The following BICD1 variants were observed in gnomAD, a reference collection of about 807,000 sequenced individuals.
BICD1 encodes the protein protein bicaudal D homolog 1.
A neutral mutation model predicts 92.5 loss-of-function variants in BICD1; 35 were observed. The ratio of observed to expected loss-of-function variants is 0.38; its 90% confidence interval spans 0.29 to 0.50. BICD1 has a LOEUF of 0.50. BICD1 is among the 20% of genes least tolerant of loss of function. The probability of loss-of-function intolerance (pLI) is 0.93; values close to 1 mark genes in which losing one functional copy is unlikely to be tolerated. For synonymous variants in BICD1, 429 were observed against 465.1 expected (o/e 0.92, Z 1.00); for missense variants, 950 against 1,189.8 (o/e 0.80, Z 2.97).
In BICD1 at chr12:32,320,636, G is replaced by A. The variant is rs148704737; in HGVS notation, c.1006-6825G>A. Reference sequence around the variant, plus strand: ...AGTCTGGGCGACAGAGTGAGACTCCGTCTCAAAATAAGTAAATAAATAAAA... The same window carrying A: ...AGTCTGGGCGACAGAGTGAGACTCCATCTCAAAATAAGTAAATAAATAAAA... On this transcript the variant is annotated intron_variant, in intron 4 of 9. Transcript: ENST00000652176. Among the ~76,000 whole-genome samples the A allele has an allele frequency of 7.2e-5, 11 of 152,014 alleles. 1 individual carries two copies. In the South Asian group the frequency reaches 1.5e-3, roughly 20 times the overall value.
chr12:32,325,639 A>G (rs961267369), intron 4 of BICD1, among the ~76,000 whole-genome samples: 1 of 152,244 alleles, frequency 6.6e-6, no homozygotes, highest in African/African-American at 2.4e-5. Context: ...ACACATGTGT[A>G]TCCTAAAGTA....
Position 32,346,953 on chromosome 12 carries a change from CT to C in BICD1, c.2764+7989del, listed in dbSNP as rs546760175. On this transcript the variant is annotated intron_variant, in intron 8 of 9. Coordinates refer to ENST00000652176, the MANE Select transcript of BICD1 (RefSeq NM_001714.4). Reference sequence around the variant, plus strand: ...ATTTCGGTTTTATTTCTTTTCTTTTCTTTTTTTTTTTTTTTAAGACAGAATC... The same window carrying C: ...ATTTCGGTTTTATTTCTTTTCTTTTCTTTTTTTTTTTTTTAAGACAGAATC... Among the ~76,000 whole-genome samples, 338 of 136,402 alleles carry C rather than the reference CT, an allele frequency of 2.5e-3. 4 individuals carry two copies. The highest frequency in any genetic ancestry group is 0.013 in the Admixed American group (170 of 13,414). The allele number at this position is 136,402 out of a possible 152,430, so 89.5% of individuals were successfully genotyped here.
At chr12:32,204,896 C>G (rs765721957) in intron 1 of BICD1, among the ~76,000 whole-genome samples, 1 of 152,206 alleles carries the variant, frequency 6.6e-6, no homozygotes, top group East Asian at 1.9e-4. Context: ...TGTTACCCCA[C>G]GCATCATCCC....
In BICD1 at chr12:32,306,036, A is replaced by G; in HGVS notation, c.919A>G (p.Lys307Glu). Residue 307 changes from lysine to glutamate, a missense_variant, in exon 4 of 10, where the codon AAA (lysine) becomes GAA (glutamate). Transcript: ENST00000652176. ...NGDYRTPTLR[K>E]GESLNPVSDL... ...AGACTATCGGACTCCCACCTTAAGGAAAGGAGAGTCTCTGAACCCTGTCTC... is the reference window on the plus strand; with the variant it reads ...AGACTATCGGACTCCCACCTTAAGGGAAGGAGAGTCTCTGAACCCTGTCTC... 1 of 1,614,150 alleles carries G rather than the reference A, an allele frequency of 6.2e-7. No homozygotes were observed. The highest frequency in any genetic ancestry group is 8.5e-7 in the Non-Finnish European group (1 of 1,180,018).
intron 1 of BICD1, among the ~76,000 whole-genome samples, chr12:32,163,577 A>T (rs1035333278): frequency 6.6e-6 from 1 of 152,162 alleles, no homozygotes; most frequent in African/African-American, 2.4e-5. Context: ...CTGTATTATG[A>T]GCATGTTTCT....
chr12:32,174,341 A>G (rs1944033714), intron 1 of BICD1, among the ~76,000 whole-genome samples: 1 of 152,024 alleles, frequency 6.6e-6, no homozygotes, highest in Non-Finnish European at 1.5e-5. Context: ...TTTTCAGTTA[A>G]AGTGTAATCC....
chr12:32,115,718 A>G (rs1230509230), intron 1 of BICD1, among the ~76,000 whole-genome samples: 1 of 152,224 alleles, frequency 6.6e-6, no homozygotes, highest in Non-Finnish European at 1.5e-5. Context: ...ACCCAGGGGA[A>G]TGATACCAGG....
intron 1 of BICD1, among the ~76,000 whole-genome samples, chr12:32,111,911 C>G (rs1331198440): frequency 6.6e-6 from 1 of 151,776 alleles, no homozygotes; most frequent in African/African-American, 2.4e-5. Context: ...CTTTTGGAAA[C>G]TGTTTACAAA....
At chr12:32,283,413 G>C (rs1322406366) in intron 2 of BICD1, among the ~76,000 whole-genome samples, 3 of 136,248 alleles carry the variant, frequency 2.2e-5, no homozygotes, top group African/African-American at 7.8e-5. Context: ...ACGAGTTACA[G>C]CTGAAACTAG....
At position 32,225,621 on chromosome 12, in the gene BICD1, G is replaced by GTTTTTTTTTTTTTT. The variant is rs58895470; in HGVS notation, c.426+9169_426+9182dup. 2.5e-3 allele frequency among the ~76,000 whole-genome samples: 236 copies of GTTTTTTTTTTTTTT among 92,748 alleles called. 10 individuals carry two copies. The highest frequency in any genetic ancestry group is 0.012 in the South Asian group (24 of 2,014). The allele number at this position is 92,748 out of a possible 152,430, so 60.8% of individuals were successfully genotyped here. On this transcript the variant is annotated intron_variant, in intron 2 of 9. Transcript: ENST00000652176. ...TGGTATTTGACAGTTCTTTTTTTCTGTTTTTTTTTTTTTTTTTTTTAGACG... is the reference window on the plus strand; with the variant it reads ...TGGTATTTGACAGTTCTTTTTTTCTGTTTTTTTTTTTTTTTTTTTTTTTTTTTTTTTTTTAGACG...
chr12:32,287,987 C>T (rs548051334), intron 2 of BICD1, among the ~76,000 whole-genome samples: 180 of 152,300 alleles, frequency 1.2e-3, no homozygotes, highest in African/African-American at 4.0e-3. Flanking sequence ...CTCCAACAGG[C>T]TACCCTGGGG....
chr12:32,374,670 C>T (rs979013511), intron 9 of BICD1, among the ~76,000 whole-genome samples: 48 of 145,936 alleles, frequency 3.3e-4, no homozygotes, highest in African/African-American at 9.1e-4. Flanking sequence ...CGGGTTCAAG[C>T]GATTCTCCTG....
rs532212955 is a variant in BICD1 at position 32,338,958 on chromosome 12, A to G, written c.2743A>G (p.Arg915Gly). The G allele has an allele frequency of 3.8e-6, 6 of 1,599,526 alleles. No individual in the cohort carries two copies. The highest frequency in any genetic ancestry group is 1.4e-5 in the African/African-American group (1 of 74,070). The change falls in exon 8 of 10, where the codon AGG becomes GGG. Residue 915 changes from arginine (R) to glycine (G), a missense_variant. Physicochemically the swap from Arg to Gly is moderately radical, Grantham distance 125 (BLOSUM62 -2). Around this residue, in one of 5 missense-constraint regions of BICD1, gnomAD observed 179 missense variants for 186.7 expected, o/e 0.96. Coordinates refer to ENST00000652176, the MANE Select transcript of BICD1 (RefSeq NM_001714.4). ...AGGGCACCGGCTCAGCAAGGAAAAA[A>G]GGTTAACCGTGGCTCCACCAGGTAA... Reference protein sequence around the residue: ...IQGHRLSKEKRLTVAPPDCQQ... With the variant: ...IQGHRLSKEKGLTVAPPDCQQ...
Position 32,312,227 on chromosome 12 carries a change from C to T in BICD1, c.1005+6105C>T, listed in dbSNP as rs894504968. Among the ~76,000 whole-genome samples the T allele has an allele frequency of 3.3e-5, 5 of 149,866 alleles. No homozygotes were observed. In the Admixed American group the frequency reaches 3.3e-4, roughly 10 times the overall value. On this transcript the variant is annotated intron_variant, in intron 4 of 9. Coordinates refer to ENST00000652176, the MANE Select transcript of BICD1 (RefSeq NM_001714.4). The stretch of plus-strand genomic sequence containing the variant: ...ACAAAACAAAACAAAAATCAGGTCT[C>T]CTTCTTGAAGCCATCATACTGCCAT...
rs982249714 is a variant in BICD1 at position 32,222,655 on chromosome 12, T to G, written c.426+6196T>G. 5.3e-5 allele frequency among the ~76,000 whole-genome samples: 8 copies of G among 152,236 alleles called. No individual in the cohort carries two copies. In the South Asian group the frequency reaches 1.2e-3, roughly 24 times the overall value. On this transcript the variant is annotated intron_variant, in intron 2 of 9. Coordinates refer to ENST00000652176, the MANE Select transcript of BICD1 (RefSeq NM_001714.4). Reference sequence around the variant, plus strand: ...AATACGATAGCTGCTATGGTCTGAATGTGCCCCTTTTAAATTCATGCACTG... The same window carrying G: ...AATACGATAGCTGCTATGGTCTGAAGGTGCCCCTTTTAAATTCATGCACTG...
chr12:32,106,888 G>GGAGCGAGA lies in BICD1; in HGVS notation c.-436_-429dup, dbSNP rs3840789. On this transcript the variant is annotated 5_prime_UTR_variant, in exon 1 of 10. Transcript: ENST00000652176. ...TGCTGCAGGGCCAGAGGGAGCAGGT[G>GGAGCGAGA]GAGCGAGAGAGCGAGCCGCGAGCCG... is the stretch of plus-strand genomic sequence containing the variant. 43,371 of 171,788 alleles carry GGAGCGAGA rather than the reference G, an allele frequency of 0.25. 6,557 individuals carry two copies. Among genetic ancestry groups the GGAGCGAGA allele is most frequent in the East Asian group, 0.43 (2,376 of 5,530 alleles). The allele number at this position is 171,788 out of a possible 1,614,324, so 10.6% of individuals were successfully genotyped here.
At chr12:32,164,580 G>T (rs1300662495) in intron 1 of BICD1, among the ~76,000 whole-genome samples, 1 of 152,166 alleles carries the variant, frequency 6.6e-6, no homozygotes, top group Non-Finnish European at 1.5e-5. Flanking sequence ...GCAGGTAAAT[G>T]AAACTTTATG....
chr12:32,244,116 T>C (rs1946310160), intron 2 of BICD1, among the ~76,000 whole-genome samples: 1 of 150,084 alleles, frequency 6.7e-6, no homozygotes, highest in Non-Finnish European at 1.5e-5. Flanking sequence ...CTTTCATAGA[T>C]ATTTTCTGAA....
chr12:32,143,412 A>C (rs1943007202), intron 1 of BICD1, among the ~76,000 whole-genome samples: 1 of 152,220 alleles, frequency 6.6e-6, no homozygotes, highest in African/African-American at 2.4e-5. Context: ...CATGAATGGA[A>C]TAATATTGCA....
Sources: allele counts gnomAD v4.1 joint callset (sites outside exome capture counted in the v4.1 genomes callset), GRCh38; gene constraint gnomAD v4.1.1; regional missense constraint gnomAD v4.1.1; transcripts MANE v1.5; gene names NCBI Gene and HGNC (gene_info 2026-07-23, HGNC 2026-07-21).